HMCN2: variants seen among roughly 807,000 people sequenced by gnomAD.
The protein encoded by HMCN2 is hemicentin 2, also known as hemicentin-2.
In HMCN2, 325 loss-of-function variants were observed where a neutral mutation model predicts 377.5. The observed-to-expected ratio is 0.86, with a 90% CI of 0.79 to 0.94. HMCN2 has a LOEUF of 0.94. HMCN2 is among the 40% of genes least tolerant of loss of function. The pLI is 0.00. For synonymous variants in HMCN2, 2,007 were observed against 2,046.8 expected, an observed-to-expected ratio of 0.98 and a Z score of 0.53; for missense variants, 4,543 against 4,725.3, an observed-to-expected ratio of 0.96 and a Z score of 1.13.
At chr9:130,407,539 C>T in intron 82 of HMCN2, 32 bp from the exon 83 acceptor site, 1 of 1,287,816 alleles carries the variant, frequency 7.8e-7, no homozygotes, top group Non-Finnish European at 1.0e-6. Context: ...GGCAGGAGTT[C>T]CCTGCACCCG....
In HMCN2 at chr9:130,428,792, T is replaced by G. The variant is rs1844545974; in HGVS notation, c.14197+303T>G. 6.6e-6 allele frequency among the ~76,000 whole-genome samples: 1 copy of G among 152,198 alleles called. No individual in the cohort carries two copies. The highest frequency in any genetic ancestry group is 2.1e-4 in the South Asian group (1 of 4,832). On this transcript the variant is annotated intron_variant, in intron 93 of 97. Transcript: ENST00000683500. This position sits in a 1 kb window ranked among gnomAD's most constrained non-coding sequence, Gnocchi z 5.0. ...AGGGATGGCAAACACATGCTCCCTC[T>G]GCTGCCATCCGTTCTGTTCCCCCAT... is the stretch of plus-strand genomic sequence containing the variant.
chr9:130,299,612 C>T (rs1404576633), intron 8 of HMCN2, among the ~76,000 whole-genome samples: 1 of 149,844 alleles, frequency 6.7e-6, no homozygotes, highest in Non-Finnish European at 1.5e-5. Context: ...TCCACTCATG[C>T]ACCCACCCAT....
intron 97 of HMCN2, chr9:130,432,988 C>T (rs115408128): frequency 4.0e-4 from 151 of 378,916 alleles, no homozygotes; most frequent in African/African-American, 3.0e-3. Context: ...CGCGGCAAGG[C>T]TAAGCGCAGT....
At chr9:130,356,055 A>G (rs1482477487) in intron 33 of HMCN2, 33 bp from the exon 34 acceptor site, 17 of 1,222,282 alleles carry the variant, frequency 1.4e-5, no homozygotes, top group Non-Finnish European at 1.7e-5. Flanking sequence ...CCCTGGTCTC[A>G]GGTTGACACG....
chr9:130,432,807 C>A, intron 97 of HMCN2: 1 of 553,432 alleles, frequency 1.8e-6, no homozygotes, highest in Non-Finnish European at 3.2e-6. Context: ...ACGCCAGCAC[C>A]AAACCCATCT....
Position 130,433,672 on chromosome 9 carries a change from C to A in HMCN2, c.15219C>A (p.Ala5073=). 4.6e-6 allele frequency: 7 copies of A among 1,507,696 alleles called. No individual in the cohort carries two copies. Among genetic ancestry groups the A allele is most frequent in the Non-Finnish European group, 5.3e-6 (6 of 1,130,064 alleles). The allele number at this position is 1,507,696 out of a possible 1,614,324, so 93.4% of individuals were successfully genotyped here. A position where few individuals can be genotyped will look rare whatever the true frequency, so the allele number is the denominator to read the frequency against. The change falls in exon 98 of 98, where the codon GCC becomes GCA. Residue 5073 remains alanine, a synonymous_variant. Transcript: ENST00000683500. The part of the protein sequence containing the change: ...RHQSVFVLLI[A]VSPYPY ...AAAGCGTCTTCGTCTTGCTCATCGC[C>A]GTGTCCCCCTACCCCTACTAAACGG...
In HMCN2 at chr9:130,360,340, TCTCTCTTCCTTTCCCCCTTA is replaced by T; in HGVS notation, c.5774-85_5774-66del. 4 of 601,316 alleles carry T rather than the reference TCTCTCTTCCTTTCCCCCTTA, an allele frequency of 6.7e-6. No individual in the cohort carries two copies. The highest frequency in any genetic ancestry group is 2.9e-5 in the South Asian group (1 of 34,144). 37.2% of individuals were successfully genotyped at this position (601,316 alleles called of 1,614,324 possible). On this transcript the variant is annotated intron_variant, in intron 37 of 97. Transcript: ENST00000683500. The surrounding 1 kb of genome is among the most constrained non-coding windows in gnomAD (Gnocchi z 4.7). ...CATCTCTCTTCCTTTCCCCCTTGCA[TCTCTCTTCCTTTCCCCCTTA>T]CTTCTCTCTTCCATTCCCCCTTGCT...
chr9:130,364,999 ATG>A, intron 41 of HMCN2, 110 bp downstream of exon 41: 6 of 632,156 alleles, frequency 9.5e-6, no homozygotes, highest in Non-Finnish European at 9.9e-6. Flanking sequence ...CCCTCAGGGG[ATG>A]GAGGACAAAA....
chr9:130,424,550 A>T (rs1480165269), intron 87 of HMCN2, among the ~76,000 whole-genome samples: 1 of 152,078 alleles, frequency 6.6e-6, no homozygotes, highest in South Asian at 2.1e-4. Context: ...ATTTCCTTGT[A>T]TAAATTTATT....
chr9:130,404,137 C>A (rs1286413023), intron 80 of HMCN2, among the ~76,000 whole-genome samples: 1 of 152,222 alleles, frequency 6.6e-6, no homozygotes, highest in Admixed American at 6.5e-5. Flanking sequence ...CTCTCTGGCC[C>A]TGCTCTGGCA....
chr9:130,330,091 G>A (rs1388073123), intron 22 of HMCN2, among the ~76,000 whole-genome samples: 1 of 149,032 alleles, frequency 6.7e-6, no homozygotes, highest in Non-Finnish European at 1.5e-5. Flanking sequence ...CTCCAAGGAT[G>A]TCCCCAGGCT....
chr9:130,291,470 A>G (rs547457156), intron 4 of HMCN2, among the ~76,000 whole-genome samples: 3 of 152,356 alleles, frequency 2.0e-5, no homozygotes, highest in African/African-American at 7.2e-5. Flanking sequence ...TCGGCCTCCC[A>G]AAGTGCTGGG....
At position 130,358,430 on chromosome 9, in the gene HMCN2, G is replaced by T; in HGVS notation, c.5621G>T (p.Cys1874Phe). 1 of 1,304,392 alleles carries T rather than the reference G, an allele frequency of 7.7e-7. No homozygotes were observed. Among genetic ancestry groups the T allele is most frequent in the Non-Finnish European group, 1.0e-6 (1 of 988,972 alleles). 80.8% of individuals were successfully genotyped at this position (1,304,392 alleles called of 1,614,324 possible). The part of the protein sequence containing the change: ...VDLRDEGIYT[C>F]AATNLAGESK... The stretch of plus-strand genomic sequence containing the variant: ...CTGAGGGACGAGGGCATCTACACTT[G>T]TGCTGCTACCAACCTGGCTGGGGAG... Residue 1874 changes from cysteine (C) to phenylalanine (F), a missense_variant, in exon 36 of 98, where the codon TGT becomes TTT. This residue lies in a region of HMCN2 where 1,032 missense variants were observed against 1,285.1 expected (regional missense o/e 0.80). Transcript: ENST00000683500.
At position 130,418,883 on chromosome 9, in the gene HMCN2, A is replaced by T; in HGVS notation, c.13073A>T (p.Gln4358Leu). The T allele has an allele frequency of 1.9e-6, 3 of 1,549,928 alleles. No individual in the cohort carries two copies. The highest frequency in any genetic ancestry group is 1.7e-6 in the Non-Finnish European group (2 of 1,146,566). ...GEPTPTIEWL[Q>L]AGQPLRASRR... ...CCCACACCCACCATTGAATGGCTAC[A>T]GGCGGGTCAACCCTTGCGGGCCAGC... Residue 4358 changes from glutamine to leucine, a missense_variant, in exon 86 of 98, where the codon CAG becomes CTG. By Grantham distance (113) the Gln-to-Leu change is moderately radical. Transcript: ENST00000683500.
intron 86 of HMCN2, among the ~76,000 whole-genome samples, chr9:130,420,494 A>G (rs1226906063): frequency 6.6e-6 from 1 of 152,148 alleles, no homozygotes; most frequent in African/African-American, 2.4e-5. Flanking sequence ...ACAAAACAAA[A>G]CAAAACACCA....
In HMCN2 at chr9:130,372,337, T is replaced by C. The variant is rs969049342; in HGVS notation, c.7281T>C (p.Ser2427=). 2.0e-6 allele frequency: 2 copies of C among 985,958 alleles called. No homozygotes were observed. Among genetic ancestry groups the C allele is most frequent in the East Asian group, 1.1e-4 (1 of 8,804 alleles). 61.1% of individuals were successfully genotyped at this position (985,958 alleles called of 1,614,324 possible). Residue 2427 remains serine, a synonymous_variant, in exon 47 of 98, where the codon AGT becomes AGC. Coordinates refer to ENST00000683500, the MANE Select transcript of HMCN2 (RefSeq NM_001291815.2). ...TGACTCAGACACAGGAGCAAGACAG[T>C]GGCCTCTACTCATGCCTGGCAAGCA... is the stretch of plus-strand genomic sequence containing the variant. The part of the protein sequence containing the change: ...LKMTQTQEQD[S]GLYSCLASNE...
At chr9:130,346,168 C>G (rs1839381768) in intron 25 of HMCN2, among the ~76,000 whole-genome samples, 1 of 151,958 alleles carries the variant, frequency 6.6e-6, no homozygotes, top group African/African-American at 2.4e-5. Flanking sequence ...TGGCGGAGGT[C>G]AGGGGGCAGG....
chr9:130,384,803 G>T lies in HMCN2; in HGVS notation c.9106+5G>T. On this transcript the variant is annotated splice_donor_5th_base_variant and intron_variant, in intron 59 of 97. Transcript: ENST00000683500. Reference sequence around the variant, plus strand: ...TGGTGCAGCTCAGTGTTCTGGGTATGTCCATGTCTGTCCCCAACTTGTACT... The same window carrying T: ...TGGTGCAGCTCAGTGTTCTGGGTATTTCCATGTCTGTCCCCAACTTGTACT... 1 of 1,299,098 alleles carries T rather than the reference G, an allele frequency of 7.7e-7. No individual in the cohort carries two copies. The highest frequency in any genetic ancestry group is 1.2e-5 in the South Asian group (1 of 80,944). The allele number at this position is 1,299,098 out of a possible 1,614,324, so 80.5% of individuals were successfully genotyped here. A position where few individuals can be genotyped will look rare whatever the true frequency, so the allele number is the denominator to read the frequency against.
At chr9:130,392,793 A>G (rs10901287) in intron 66 of HMCN2, among the ~76,000 whole-genome samples, 138,138 of 151,644 alleles carry the variant, frequency 0.91, 63,641 homozygotes, top group East Asian at 1. Context: ...TCAGGAGATC[A>G]AGACCATCCT....
Sources: allele counts gnomAD v4.1 joint callset (sites outside exome capture counted in the v4.1 genomes callset), GRCh38; gene constraint gnomAD v4.1.1; regional missense constraint gnomAD v4.1.1; non-coding constraint Gnocchi (gnomAD v3.1); transcripts MANE v1.5; gene names NCBI Gene and HGNC (gene_info 2026-07-23, HGNC 2026-07-21).